MAPKAP1: variants seen among roughly 807,000 people sequenced by gnomAD.
The protein encoded by MAPKAP1 is target of rapamycin complex 2 subunit MAPKAP1.
Under a neutral mutation model 65.7 loss-of-function variants are expected in MAPKAP1, and 20 were observed. The ratio of observed to expected loss-of-function variants is 0.30; its 90% confidence interval spans 0.21 to 0.44. The LOEUF is 0.44. Among genes scored for constraint, MAPKAP1 ranks in the 20% least tolerant of loss-of-function variants. The probability of loss-of-function intolerance (pLI) is 1.00; values close to 1 mark genes in which losing one functional copy is unlikely to be tolerated. For synonymous variants in MAPKAP1, 222 were observed against 244.3 expected (o/e 0.91, Z 0.85); for missense variants, 423 against 648.0 (o/e 0.65, Z 3.77).
chr9:125,468,006 G>C lies in MAPKAP1; in HGVS notation c.1311C>G (p.Leu437=), dbSNP rs369010091. Residue 437 remains leucine, a synonymous_variant, in exon 10 of 12, where the codon CTC becomes CTG. Coordinates refer to ENST00000265960, the MANE Select transcript of MAPKAP1 (RefSeq NM_001006617.3). ...TCTCTTCAGCAAGGTCACAGGCACAGAGCAGGTCGGAATCGATTGAGATGG... is the reference window on the plus strand; with the variant it reads ...TCTCTTCAGCAAGGTCACAGGCACACAGCAGGTCGGAATCGATTGAGATGG... ...QKPISIDSDL[L]CACDLAEEKS... 2 of 1,614,226 alleles carry C rather than the reference G, an allele frequency of 1.2e-6. No homozygotes were observed. The highest frequency in any genetic ancestry group is 1.7e-6 in the Non-Finnish European group (2 of 1,180,048).
intron 5 of MAPKAP1, among the ~76,000 whole-genome samples, chr9:125,584,956 G>A (rs1001371031): frequency 6.6e-6 from 1 of 152,178 alleles, no homozygotes; most frequent in African/African-American, 2.4e-5. Flanking sequence ...AGAGCCTAGT[G>A]ACTGAGAGAA....
At chr9:125,523,931 A>G (rs1311226189) in intron 7 of MAPKAP1, among the ~76,000 whole-genome samples, 2 of 152,198 alleles carry the variant, frequency 1.3e-5, no homozygotes, top group African/African-American at 4.8e-5. Context: ...GATTGGCTCC[A>G]CCTGTCAACA....
intron 1 of MAPKAP1, among the ~76,000 whole-genome samples, chr9:125,699,742 C>T (rs1835540524): frequency 6.6e-6 from 1 of 151,766 alleles, no homozygotes; most frequent in African/African-American, 2.4e-5. Context: ...AAGCAATCCT[C>T]CTACCTCAGC....
chr9:125,446,713 G>A (rs752377662), intron 10 of MAPKAP1, among the ~76,000 whole-genome samples: 1 of 152,142 alleles, frequency 6.6e-6, no homozygotes. Flanking sequence ...AGAACCAGAA[G>A]GTCTTAGGGA....
At chr9:125,536,511 C>CAT (rs1830077494) in intron 7 of MAPKAP1, among the ~76,000 whole-genome samples, 1 of 152,180 alleles carries the variant, frequency 6.6e-6, no homozygotes, top group Non-Finnish European at 1.5e-5. Context: ...CTTATTCTTC[C>CAT]ATAAGGAGGA....
chr9:125,698,257 T>TAA, intron 1 of MAPKAP1, among the ~76,000 whole-genome samples: 1 of 117,400 alleles, frequency 8.5e-6, no homozygotes, highest in African/African-American at 3.6e-5. Flanking sequence ...AATATATAAT[T>TAA]TATAAATATA....
intron 4 of MAPKAP1, among the ~76,000 whole-genome samples, chr9:125,645,630 G>T (rs932557613): frequency 1.3e-5 from 2 of 151,850 alleles, no homozygotes; most frequent in African/African-American, 4.8e-5. Flanking sequence ...CCAGCTACTT[G>T]GGAGGCTGAG....
intron 1 of MAPKAP1, among the ~76,000 whole-genome samples, chr9:125,701,581 C>T (rs1442726874): frequency 6.6e-6 from 1 of 152,206 alleles, no homozygotes; most frequent in Non-Finnish European, 1.5e-5. Flanking sequence ...GCTCTTTCCA[C>T]TAAACTGTGA....
At chr9:125,551,202 A>G (rs1360468687) in intron 6 of MAPKAP1, among the ~76,000 whole-genome samples, 1 of 152,160 alleles carries the variant, frequency 6.6e-6, no homozygotes, top group Non-Finnish European at 1.5e-5. Context: ...TTCATTCTCT[A>G]GACCACAAGG....
chr9:125,441,324 C>A (rs190282705), intron 11 of MAPKAP1, among the ~76,000 whole-genome samples: 8 of 152,296 alleles, frequency 5.3e-5, no homozygotes, highest in Non-Finnish European at 1.0e-4. Context: ...GAGGGCGGCT[C>A]TGGAGCTTCT....
Position 125,439,161 on chromosome 9 carries a change from A to C in MAPKAP1, c.1444-149T>G. Reference sequence around the variant, plus strand: ...GTGGAAGGAGTCCAGTCATCACAGCAACCTGGCAGCGGCTGGGCCCAGAGC... The same window carrying C: ...GTGGAAGGAGTCCAGTCATCACAGCCACCTGGCAGCGGCTGGGCCCAGAGC... On this transcript the variant is annotated intron_variant, in intron 11 of 11. Transcript: ENST00000265960. The surrounding 1 kb of genome is among the most constrained non-coding windows in gnomAD (Gnocchi z 4.0). 1 of 831,670 alleles carries C rather than the reference A, an allele frequency of 1.2e-6. No individual in the cohort carries two copies. Among genetic ancestry groups the C allele is most frequent in the East Asian group, 2.7e-5 (1 of 36,758 alleles). The allele number at this position is 831,670 out of a possible 1,614,324, so 51.5% of individuals were successfully genotyped here. A position where few individuals can be genotyped will look rare whatever the true frequency, so the allele number is the denominator to read the frequency against.
At chr9:125,480,490 C>T (rs565346504) in intron 9 of MAPKAP1, among the ~76,000 whole-genome samples, 9 of 152,202 alleles carry the variant, frequency 5.9e-5, no homozygotes, top group Admixed American at 2.0e-4. Flanking sequence ...ACTTGCATGA[C>T]TGTCATCATT....
intron 4 of MAPKAP1, among the ~76,000 whole-genome samples, chr9:125,626,474 A>G (rs1329211890): frequency 6.6e-6 from 1 of 152,186 alleles, no homozygotes. Flanking sequence ...TTAGACCTAC[A>G]CTGTCCAACA....
chr9:125,440,822 G>A (rs1487761187), intron 11 of MAPKAP1, among the ~76,000 whole-genome samples: 4 of 152,142 alleles, frequency 2.6e-5, no homozygotes, highest in Non-Finnish European at 5.9e-5. Flanking sequence ...GGAAATAAGA[G>A]GTTTTATCAT....
At position 125,506,298 on chromosome 9, in the gene MAPKAP1, C is replaced by T. The variant is rs781150463; in HGVS notation, c.1066+12G>A. ...CGGACAAAGCGGGCATGGAGCGAGG[C>T]GGCCAACGTACTGTTCTCGCGGACC... is the stretch of plus-strand genomic sequence containing the variant. On this transcript the variant is annotated intron_variant, in intron 8 of 11. Coordinates refer to ENST00000265960, the MANE Select transcript of MAPKAP1 (RefSeq NM_001006617.3). 11 of 1,608,742 alleles carry T rather than the reference C, an allele frequency of 6.8e-6. No homozygotes were observed. The highest frequency in any genetic ancestry group is 2.2e-5 in the South Asian group (2 of 90,956).
At chr9:125,579,716 G>T (rs146400511) in intron 5 of MAPKAP1, among the ~76,000 whole-genome samples, 12 of 152,094 alleles carry the variant, frequency 7.9e-5, no homozygotes, top group Admixed American at 3.9e-4. Context: ...CAACCCACTG[G>T]AAAAGACCAA....
At position 125,474,183 on chromosome 9, in the gene MAPKAP1, C is replaced by T. The variant is rs553249686; in HGVS notation, c.1208-6074G>A. ...CTGGAATTGGAGGGCGAGAAGAATT[C>T]TCCCTGGGACCTTCTCTACATCCCA... On this transcript the variant is annotated intron_variant, in intron 9 of 11. Transcript: ENST00000265960. Among the ~76,000 whole-genome samples, 5 of 152,272 alleles carry T rather than the reference C, an allele frequency of 3.3e-5. No homozygotes were observed. The East Asian group carries it at 9.6e-4, about 29-fold the overall frequency.
chr9:125,507,332 C>T (rs529679583), intron 7 of MAPKAP1, among the ~76,000 whole-genome samples: 1 of 152,174 alleles, frequency 6.6e-6, no homozygotes, highest in Non-Finnish European at 1.5e-5. Context: ...GGATTAGAGG[C>T]ATAAGAAACT....
chr9:125,567,490 G>A (rs1564562147), intron 5 of MAPKAP1: 1 of 152,122 alleles, frequency 6.6e-6, no homozygotes, highest in African/African-American at 2.4e-5. Context: ...TACCCTATAT[G>A]GTCTAAAAAG....
Sources: allele counts gnomAD v4.1 joint callset (sites outside exome capture counted in the v4.1 genomes callset), GRCh38; gene constraint gnomAD v4.1.1; non-coding constraint Gnocchi (gnomAD v3.1); transcripts MANE v1.5; gene names NCBI Gene and HGNC (gene_info 2026-07-23, HGNC 2026-07-21).